Variants in SMYD3 observed in about 807,000 individuals in gnomAD.
SMYD3 encodes the protein histone-lysine N-methyltransferase SMYD3.
Under a neutral mutation model 57.7 loss-of-function variants are expected in SMYD3, and 36 were observed. The observed-to-expected ratio is 0.62, with a 90% CI of 0.48 to 0.82. The LOEUF (loss-of-function observed/expected upper bound fraction) is 0.82. Among genes scored for constraint, SMYD3 ranks in the 40% least tolerant of loss-of-function variants. The pLI is 0.00. For synonymous variants in SMYD3, 211 were observed against 195.0 expected, an observed-to-expected ratio of 1.08 and a Z score of -0.68; for missense variants, 515 against 538.8, an observed-to-expected ratio of 0.96 and a Z score of 0.44.
chr1:245,951,982 C>T (rs1371733647), intron 5 of SMYD3, among the ~76,000 whole-genome samples: 1 of 151,950 alleles, frequency 6.6e-6, no homozygotes, highest in African/African-American at 2.4e-5. Context: ...CAGCAAACAA[C>T]TGCATTTGCA....
chr1:246,005,737 A>G (rs2059157450), intron 5 of SMYD3, among the ~76,000 whole-genome samples: 1 of 152,228 alleles, frequency 6.6e-6, no homozygotes, highest in African/African-American at 2.4e-5. Flanking sequence ...AGAGAATCCT[A>G]TGAAAACTGC....
intron 1 of SMYD3, among the ~76,000 whole-genome samples, chr1:246,365,894 A>G (rs1367526539): frequency 6.6e-6 from 1 of 152,184 alleles, no homozygotes; most frequent in Non-Finnish European, 1.5e-5. Flanking sequence ...TTTCTTTAGC[A>G]AACCTCTTTA....
intron 5 of SMYD3, among the ~76,000 whole-genome samples, chr1:246,257,086 G>A (rs1244737809): frequency 6.6e-6 from 1 of 152,172 alleles, no homozygotes; most frequent in African/African-American, 2.4e-5. Flanking sequence ...TGAACATGTG[G>A]TCAATCCTGG....
intron 5 of SMYD3, among the ~76,000 whole-genome samples, chr1:246,046,189 G>A (rs1057278118): frequency 9.2e-5 from 14 of 152,116 alleles, no homozygotes; most frequent in Middle Eastern, 6.8e-3. Context: ...TGTTTATTGC[G>A]GCACTATTCA....
At chr1:246,441,642 C>CA (rs1288162201) in intron 1 of SMYD3, among the ~76,000 whole-genome samples, 3 of 152,188 alleles carry the variant, frequency 2.0e-5, no homozygotes, top group South Asian at 4.1e-4. Flanking sequence ...GATAGAGTCT[C>CA]ACTCTGTCGT....
At chr1:246,204,883 C>T (rs1018688102) in intron 5 of SMYD3, among the ~76,000 whole-genome samples, 2 of 152,234 alleles carry the variant, frequency 1.3e-5, no homozygotes, top group African/African-American at 4.8e-5. Flanking sequence ...GACTCAGAAT[C>T]TCCTGGCTTT....
intron 5 of SMYD3, among the ~76,000 whole-genome samples, chr1:246,316,335 A>G (rs1005588726): frequency 6.6e-6 from 1 of 151,668 alleles, no homozygotes; most frequent in African/African-American, 2.4e-5. Flanking sequence ...CAGCCTGGGC[A>G]ACATACTAAG....
At chr1:246,242,067 G>T (rs1267280018) in intron 5 of SMYD3, among the ~76,000 whole-genome samples, 2 of 151,540 alleles carry the variant, frequency 1.3e-5, no homozygotes, top group African/African-American at 2.4e-5. Context: ...TTTTTGAAGG[G>T]TTTTTTTTGT....
At chr1:246,444,270 CAT>C (rs2067517128) in intron 1 of SMYD3, among the ~76,000 whole-genome samples, 1 of 147,564 alleles carries the variant, frequency 6.8e-6, no homozygotes, top group Non-Finnish European at 1.5e-5. Flanking sequence ...GGATTACAGG[CAT>C]GTGCCACCAC....
At chr1:245,889,482 G>T (rs2053262145) in intron 8 of SMYD3, among the ~76,000 whole-genome samples, 1 of 152,146 alleles carries the variant, frequency 6.6e-6, no homozygotes, top group South Asian at 2.1e-4. Context: ...TGTGACCACT[G>T]AAGAGGTCTG....
chr1:246,173,453 CT>C (rs1051929443), intron 5 of SMYD3, among the ~76,000 whole-genome samples: 13 of 151,720 alleles, frequency 8.6e-5, no homozygotes, highest in Admixed American at 3.3e-4. Flanking sequence ...ACTTTATAAA[CT>C]TTTTTTAACC....
chr1:246,488,623 T>G (rs548813774), intron 1 of SMYD3, among the ~76,000 whole-genome samples: 1 of 152,230 alleles, frequency 6.6e-6, no homozygotes, highest in South Asian at 2.1e-4. Flanking sequence ...GAGGCAGAGG[T>G]TGCAGTGTGC....
intron 1 of SMYD3, among the ~76,000 whole-genome samples, chr1:246,358,917 A>G (rs2065947934): frequency 6.6e-6 from 1 of 152,226 alleles, no homozygotes; most frequent in Non-Finnish European, 1.5e-5. Flanking sequence ...TGGAGAAACA[A>G]GAACAATCCA....
chr1:246,406,093 ATT>A (rs529374213), intron 1 of SMYD3, among the ~76,000 whole-genome samples: 7 of 145,242 alleles, frequency 4.8e-5, no homozygotes, highest in African/African-American at 1.8e-4. Context: ...TTAAAATGGG[ATT>A]TTTTTTTTTT....
At chr1:246,442,435 G>A (rs1230791971) in intron 1 of SMYD3, among the ~76,000 whole-genome samples, 1 of 152,034 alleles carries the variant, frequency 6.6e-6, no homozygotes, top group Non-Finnish European at 1.5e-5. Context: ...TGTAATCCCA[G>A]CTACTCGGGA....
intron 1 of SMYD3, among the ~76,000 whole-genome samples, chr1:246,500,106 G>A (rs148280481): frequency 6.6e-6 from 1 of 152,188 alleles, no homozygotes; most frequent in Admixed American, 6.5e-5. Flanking sequence ...TGGGAAACTG[G>A]TTGTTGCTGG....
intron 10 of SMYD3, among the ~76,000 whole-genome samples, chr1:245,837,237 CA>C (rs5782371): frequency 2.3e-3 from 257 of 110,646 alleles, no homozygotes; most frequent in Middle Eastern, 5.1e-3. Context: ...GCCTCTGTCT[CA>C]AAAAAAAAAA....
intron 10 of SMYD3, among the ~76,000 whole-genome samples, chr1:245,807,617 G>T (rs535744145): frequency 1.3e-5 from 2 of 152,210 alleles, no homozygotes; most frequent in East Asian, 3.9e-4. Context: ...TGCATTCATG[G>T]ACTGGTAGTT....
intron 2 of SMYD3, among the ~76,000 whole-genome samples, chr1:246,354,743 G>T (rs925361913): frequency 5.9e-5 from 9 of 152,038 alleles, no homozygotes; most frequent in African/African-American, 1.7e-4. Flanking sequence ...GTGATTGCCT[G>T]TGGAAATGAG....
Sources: gnomAD v4.1 joint callset for allele counts (sites outside exome capture counted in the v4.1 genomes callset) on GRCh38, gnomAD v4.1.1 for gene constraint, MANE v1.5 for transcripts, NCBI Gene and HGNC (gene_info 2026-07-23, HGNC 2026-07-21) for gene names.